The following PLCL1 variants were observed in gnomAD, a reference collection of about 807,000 sequenced individuals.
PLCL1 encodes inactive phospholipase C-like protein 1.
Under a neutral mutation model 84.4 loss-of-function variants are expected in PLCL1, and 41 were observed. The observed-to-expected ratio is 0.49, with a 90% CI of 0.38 to 0.63. The LOEUF (loss-of-function observed/expected upper bound fraction) is 0.63. Ranked by LOEUF, PLCL1 falls within the 30% of genes least tolerant of loss-of-function variation. The pLI is 0.00. For synonymous variants in PLCL1, 490 were observed against 488.3 expected (o/e 1.00, Z -0.05); for missense variants, 1,206 against 1,367.8 (o/e 0.88, Z 1.87).
intron 1 of PLCL1, among the ~76,000 whole-genome samples, chr2:197,982,879 CTT>C (rs1464446172): frequency 1.3e-5 from 2 of 152,134 alleles, no homozygotes; most frequent in Non-Finnish European, 2.9e-5. Context: ...TGATTCAAAA[CTT>C]TTAAATATCA....
At chr2:197,855,464 C>A (rs993948891) in intron 1 of PLCL1, among the ~76,000 whole-genome samples, 1 of 152,146 alleles carries the variant, frequency 6.6e-6, no homozygotes, top group African/African-American at 2.4e-5. Flanking sequence ...TATTAATAAG[C>A]CTTTTTCTTG....
intron 1 of PLCL1, among the ~76,000 whole-genome samples, chr2:198,051,602 T>G (rs1691932941): frequency 6.6e-6 from 1 of 152,306 alleles, no homozygotes; most frequent in African/African-American, 2.4e-5. Flanking sequence ...ACAGCCCTTC[T>G]CTGAGTTATT....
rs114533446 is a variant in PLCL1 at position 198,131,508 on chromosome 2, G to A, written c.3106-15272G>A. On this transcript the variant is annotated intron_variant, in intron 5 of 5. Transcript: ENST00000428675. ...TAAACAGTAGACATTTAGCATATGA[G>A]GTCAAATCAAAGAACGTCTCGTCAA... Among the ~76,000 whole-genome samples the A allele has an allele frequency of 2.3e-3, 344 of 152,240 alleles. 2 individuals are homozygous for A. Among genetic ancestry groups the A allele is most frequent in the African/African-American group, 8.1e-3 (336 of 41,548 alleles).
intron 5 of PLCL1, among the ~76,000 whole-genome samples, chr2:198,117,477 T>A (rs1218483511): frequency 1.3e-5 from 2 of 151,746 alleles, no homozygotes; most frequent in African/African-American, 2.4e-5. Flanking sequence ...CCAAACTGCT[T>A]GGATGGGCAC....
chr2:198,122,456 C>T (rs929416758), intron 5 of PLCL1, among the ~76,000 whole-genome samples: 1 of 151,986 alleles, frequency 6.6e-6, no homozygotes. Flanking sequence ...TAAGTATTTA[C>T]CAAGAACTCA....
intron 5 of PLCL1, among the ~76,000 whole-genome samples, chr2:198,107,440 A>G (rs189703504): frequency 6.5e-4 from 99 of 152,020 alleles, no homozygotes; most frequent in Middle Eastern, 3.4e-3. Flanking sequence ...GAGACTAGCC[A>G]AGTTATATAA....
intron 1 of PLCL1, among the ~76,000 whole-genome samples, chr2:198,018,614 G>A (rs1691057540): frequency 6.6e-6 from 1 of 152,198 alleles, no homozygotes; most frequent in African/African-American, 2.4e-5. Context: ...AAAGCCGCCT[G>A]GAAGTTCGGA....
chr2:197,833,466 C>T (rs1691113962), intron 1 of PLCL1, among the ~76,000 whole-genome samples: 2 of 152,204 alleles, frequency 1.3e-5, no homozygotes, highest in Admixed American at 1.3e-4. Context: ...ACCTGCTAAG[C>T]AACCTCAGCA....
intron 1 of PLCL1, among the ~76,000 whole-genome samples, chr2:197,825,106 A>C (rs1271160043): frequency 1.3e-5 from 2 of 152,114 alleles, no homozygotes; most frequent in African/African-American, 4.8e-5. Context: ...TGGGTAAGAC[A>C]CAAGTCAGTG....
At chr2:198,062,036 C>T (rs937629391) in intron 1 of PLCL1, among the ~76,000 whole-genome samples, 6 of 152,162 alleles carry the variant, frequency 3.9e-5, no homozygotes, top group Non-Finnish European at 7.3e-5. Context: ...CGGCTCCCTT[C>T]CTCTTCATCT....
chr2:197,985,846 T>G (rs1166446779), intron 1 of PLCL1, among the ~76,000 whole-genome samples: 1 of 152,226 alleles, frequency 6.6e-6, no homozygotes, highest in Non-Finnish European at 1.5e-5. Context: ...TTTGCACAAA[T>G]GAGAGGATCC....
intron 1 of PLCL1, among the ~76,000 whole-genome samples, chr2:197,852,136 G>A (rs1371698881): frequency 1.3e-5 from 2 of 152,164 alleles, no homozygotes; most frequent in African/African-American, 4.8e-5. Context: ...GAGGTAGGAG[G>A]GACTTAATAG....
chr2:197,995,195 A>G (rs1690432339), intron 1 of PLCL1, among the ~76,000 whole-genome samples: 1 of 152,134 alleles, frequency 6.6e-6, no homozygotes, highest in Admixed American at 6.6e-5. Flanking sequence ...ATGTGCTACC[A>G]TTTTAGGTAA....
intron 1 of PLCL1, among the ~76,000 whole-genome samples, chr2:197,903,713 C>A (rs999050364): frequency 7.5e-6 from 1 of 133,736 alleles, no homozygotes; most frequent in East Asian, 2.1e-4. Flanking sequence ...CCGTGTTAGC[C>A]GGGATGGTCT....
intron 1 of PLCL1, among the ~76,000 whole-genome samples, chr2:197,817,580 T>C (rs1378627847): frequency 6.6e-6 from 1 of 152,104 alleles, no homozygotes; most frequent in Non-Finnish European, 1.5e-5. Context: ...ATGCCTGGTT[T>C]AGGTAACCTT....
chr2:197,834,076 A>G (rs147700385), intron 1 of PLCL1, among the ~76,000 whole-genome samples: 149 of 152,334 alleles, frequency 9.8e-4, no homozygotes, highest in African/African-American at 3.4e-3. Flanking sequence ...AAGATTCCCT[A>G]TTTAATAAAT....
chr2:198,034,781 G>C (rs1479799458), intron 1 of PLCL1, among the ~76,000 whole-genome samples: 1 of 152,156 alleles, frequency 6.6e-6, no homozygotes, highest in Non-Finnish European at 1.5e-5. Flanking sequence ...AATCAATCCA[G>C]GATCACATGT....
intron 1 of PLCL1, among the ~76,000 whole-genome samples, chr2:198,078,585 T>C (rs1469958781): frequency 2.0e-5 from 3 of 152,122 alleles, no homozygotes; most frequent in Non-Finnish European, 4.4e-5. Context: ...CCTTACACTA[T>C]GTAGCTGGAG....
intron 1 of PLCL1, among the ~76,000 whole-genome samples, chr2:197,965,709 T>C (rs568911800): frequency 5.0e-4 from 76 of 152,290 alleles, no homozygotes; most frequent in African/African-American, 1.8e-3. Flanking sequence ...TAGCACTGTT[T>C]TTGCTATATC....
Sources: gnomAD v4.1 joint callset for allele counts (sites outside exome capture counted in the v4.1 genomes callset) on GRCh38, gnomAD v4.1.1 for gene constraint, MANE v1.5 for transcripts, NCBI Gene and HGNC (gene_info 2026-07-23, HGNC 2026-07-21) for gene names.